Variants in TNNI3K observed in about 807,000 individuals in gnomAD.
TNNI3K encodes TNNI3 interacting kinase, also known as serine/threonine-protein kinase TNNI3K.
In TNNI3K, 140 loss-of-function variants were observed where a neutral mutation model predicts 114.5. The observed-to-expected ratio is 1.22, with a 90% CI of 1.07 to 1.41. TNNI3K has a LOEUF of 1.41. Ranked by LOEUF, TNNI3K falls within the 40% of genes most tolerant of loss-of-function variation. TNNI3K has a pLI of 0.00. For synonymous variants in TNNI3K, 347 were observed against 347.5 expected (o/e 1.00, Z 0.02); for missense variants, 1,125 against 1,007.6 (o/e 1.12, Z -1.58).
At chr1:74,301,414 G>A (rs1182016009) in intron 5 of TNNI3K, among the ~76,000 whole-genome samples, 2 of 151,896 alleles carry the variant, frequency 1.3e-5, no homozygotes, top group African/African-American at 2.4e-5. Context: ...AAAATGATGG[G>A]GAGGGGGTTG....
intron 3 of TNNI3K, 130 bp from the exon 4 acceptor site, chr1:74,250,542 T>C: frequency 2.8e-6 from 2 of 721,860 alleles, no homozygotes; most frequent in South Asian, 6.1e-5. Flanking sequence ...TAGAAAACTT[T>C]ACAAATGGCC....
chr1:74,430,520 G>A (rs1000325869), intron 17 of TNNI3K, among the ~76,000 whole-genome samples: 12 of 152,148 alleles, frequency 7.9e-5, no homozygotes, highest in African/African-American at 2.6e-4. Flanking sequence ...CCGTGTTACT[G>A]AGGAAGAAAG....
intron 23 of TNNI3K, among the ~76,000 whole-genome samples, chr1:74,493,925 C>T (rs1405061829): frequency 6.6e-6 from 1 of 152,084 alleles, no homozygotes; most frequent in Non-Finnish European, 1.5e-5. Flanking sequence ...GGAAGAATTG[C>T]AAAGCCATAT....
intron 5 of TNNI3K, among the ~76,000 whole-genome samples, chr1:74,323,326 T>TTA (rs1273749023): frequency 2.0e-5 from 3 of 152,206 alleles, no homozygotes; most frequent in Admixed American, 6.5e-5. Context: ...GTGTTTTTCC[T>TTA]TACAAGCTGT....
At chr1:74,386,246 C>A (rs1044848580) in intron 17 of TNNI3K, among the ~76,000 whole-genome samples, 6 of 151,530 alleles carry the variant, frequency 4.0e-5, no homozygotes, top group African/African-American at 1.5e-4. Context: ...AGTGTGAGAA[C>A]AAACTAATAC....
At chr1:74,315,195 C>T (rs1205523595) in intron 5 of TNNI3K, among the ~76,000 whole-genome samples, 2 of 152,060 alleles carry the variant, frequency 1.3e-5, no homozygotes, top group Admixed American at 1.3e-4. Context: ...AGAGCTTATA[C>T]CAGCAATTTT....
At position 74,271,209 on chromosome 1, in the gene TNNI3K, A is replaced by G. The variant is rs531958537; in HGVS notation, c.334-389A>G. Among the ~76,000 whole-genome samples, 64 of 152,016 alleles carry G rather than the reference A, an allele frequency of 4.2e-4. 1 individual carries two copies. The highest frequency in any genetic ancestry group is 1.4e-3 in the African/African-American group (57 of 41,518). ...TATTTCATCCTCATCTCTAAAAGAA[A>G]AAAAATAAACCTTTAAACTGTTACT... On this transcript the variant is annotated intron_variant, in intron 4 of 24. Coordinates refer to ENST00000326637, the MANE Select transcript of TNNI3K (RefSeq NM_015978.3).
At chr1:74,308,923 A>G (rs959224246) in intron 5 of TNNI3K, among the ~76,000 whole-genome samples, 11 of 152,184 alleles carry the variant, frequency 7.2e-5, no homozygotes, top group African/African-American at 2.7e-4. Context: ...AAATTCTCAG[A>G]AACACACCAC....
rs115381370 is a variant in TNNI3K at position 74,379,140 on chromosome 1, G to A, written c.1772+8748G>A. On this transcript the variant is annotated intron_variant, in intron 17 of 24. Transcript: ENST00000326637. Reference sequence around the variant, plus strand: ...AGCATGAGAATAGCTTTGGGAGTGTGGCAACATATGTCTATGAATCAAAAT... The same window carrying A: ...AGCATGAGAATAGCTTTGGGAGTGTAGCAACATATGTCTATGAATCAAAAT... Among the ~76,000 whole-genome samples, 740 of 151,868 alleles carry A rather than the reference G, an allele frequency of 4.9e-3. 8 individuals carry two copies. Among genetic ancestry groups the A allele is most frequent in the African/African-American group, 0.017 (706 of 41,428 alleles).
intron 23 of TNNI3K, among the ~76,000 whole-genome samples, chr1:74,498,284 T>C (rs536233999): frequency 1.3e-5 from 2 of 152,262 alleles, no homozygotes; most frequent in South Asian, 4.1e-4. Flanking sequence ...TTAACCAGCC[T>C]TCAGTAATTA....
At chr1:74,483,373 C>T in intron 21 of TNNI3K, 1 of 717,116 alleles carries the variant, frequency 1.4e-6, no homozygotes, top group Admixed American at 2.0e-5. Context: ...ACCAGCCATC[C>T]ACCTGAAAGG....
At chr1:74,403,095 G>A (rs1284741443) in intron 17 of TNNI3K, among the ~76,000 whole-genome samples, 1 of 151,998 alleles carries the variant, frequency 6.6e-6, no homozygotes, top group Non-Finnish European at 1.5e-5. Flanking sequence ...CTCTTGGTGT[G>A]TTCTATCTAT....
chr1:74,490,069 A>C (rs1011178784), intron 22 of TNNI3K, among the ~76,000 whole-genome samples: 15 of 151,128 alleles, frequency 9.9e-5, no homozygotes, highest in Admixed American at 1.3e-4. Context: ...AAAAAAAAAA[A>C]AAAAAAACTC....
chr1:74,316,406 G>T (rs555639514), intron 5 of TNNI3K, among the ~76,000 whole-genome samples: 3 of 152,214 alleles, frequency 2.0e-5, no homozygotes, highest in East Asian at 1.9e-4. Context: ...CAGAACAAAA[G>T]AACTCATTTC....
intron 11 of TNNI3K, among the ~76,000 whole-genome samples, chr1:74,360,319 C>CT (rs1325746454): frequency 6.6e-6 from 1 of 151,964 alleles, no homozygotes; most frequent in African/African-American, 2.4e-5. Flanking sequence ...AGCTTGATAT[C>CT]ATAACACACA....
At chr1:74,391,571 T>C (rs1188996870) in intron 17 of TNNI3K, among the ~76,000 whole-genome samples, 1 of 152,122 alleles carries the variant, frequency 6.6e-6, no homozygotes, top group Non-Finnish European at 1.5e-5. Context: ...AAATTTGAGG[T>C]GCCTGTTAGA....
At chr1:74,313,320 T>G (rs1322441552) in intron 5 of TNNI3K, among the ~76,000 whole-genome samples, 1 of 152,160 alleles carries the variant, frequency 6.6e-6, no homozygotes, top group Non-Finnish European at 1.5e-5. Flanking sequence ...ACAGTAAACC[T>G]AAATCCGGGA....
chr1:74,334,258 G>T (rs1660355857), intron 6 of TNNI3K, among the ~76,000 whole-genome samples: 1 of 152,158 alleles, frequency 6.6e-6, no homozygotes, highest in African/African-American at 2.4e-5. Context: ...TAGGAACTCA[G>T]TTCCCCACAT....
rs1668412605 is a variant in TNNI3K at position 74,480,195 on chromosome 1, G to A, written c.2122-8994G>A. 8.4e-6 allele frequency: 6 copies of A among 717,496 alleles called. No homozygotes were observed. In the East Asian group the frequency reaches 1.6e-4, roughly 19 times the overall value. The allele number at this position is 717,496 out of a possible 1,614,324, so 44.4% of individuals were successfully genotyped here. A position where few individuals can be genotyped will look rare whatever the true frequency, so the allele number is the denominator to read the frequency against. ...GTCAGCAGGGCCACATCTGGTCCTG[G>A]GAGGAGGGGACTTCTGTCCTTTAGA... is the stretch of plus-strand genomic sequence containing the variant. On this transcript the variant is annotated intron_variant, in intron 21 of 24. Coordinates refer to ENST00000326637, the MANE Select transcript of TNNI3K (RefSeq NM_015978.3).
Sources: allele counts gnomAD v4.1 joint callset (sites outside exome capture counted in the v4.1 genomes callset), GRCh38; gene constraint gnomAD v4.1.1; transcripts MANE v1.5; gene names NCBI Gene and HGNC (gene_info 2026-07-23, HGNC 2026-07-21).